The following PAG1 variants were observed in gnomAD, a reference collection of about 807,000 sequenced individuals.
PAG1 encodes phosphoprotein associated with glycosphingolipid-enriched microdomains 1.
A neutral mutation model predicts 31.7 loss-of-function variants in PAG1; 23 were observed. That is an observed-to-expected ratio of 0.73 (90% CI 0.52 to 1.03). The LOEUF (loss-of-function observed/expected upper bound fraction) is 1.03. Ranked by LOEUF, PAG1 falls within the 50% of genes least tolerant of loss-of-function variation. The pLI, the probability that PAG1 is intolerant of heterozygous loss-of-function variation, is 0.00. For missense variants in PAG1, 473 were observed against 540.7 expected (o/e 0.87, Z 1.24); for synonymous variants, 214 against 210.3 (o/e 1.02, Z -0.15).
intron 6 of PAG1, among the ~76,000 whole-genome samples, chr8:80,986,900 CCT>C (rs1807435988): frequency 6.6e-6 from 1 of 152,028 alleles, no homozygotes; most frequent in South Asian, 2.1e-4. Flanking sequence ...CTACGGATGC[CCT>C]GATTTTAGCC....
intron 1 of PAG1, among the ~76,000 whole-genome samples, chr8:81,101,195 C>T (rs1809605407): frequency 6.6e-6 from 1 of 152,192 alleles, no homozygotes; most frequent in Non-Finnish European, 1.5e-5. Flanking sequence ...AGCCCCAAGA[C>T]TAAAAAGCTG....
chr8:81,032,477 T>C (rs1441062355), intron 2 of PAG1, among the ~76,000 whole-genome samples: 1 of 152,144 alleles, frequency 6.6e-6, no homozygotes, highest in African/African-American at 2.4e-5. Context: ...ACAACATAAG[T>C]AGCCATCAAC....
At chr8:80,997,737 C>T (rs959794939) in intron 3 of PAG1, among the ~76,000 whole-genome samples, 1 of 151,654 alleles carries the variant, frequency 6.6e-6, no homozygotes, top group African/African-American at 2.4e-5. Context: ...AATGTGATCA[C>T]AGATTTAGAT....
chr8:81,086,667 T>C (rs979471901), intron 1 of PAG1, among the ~76,000 whole-genome samples: 2 of 152,100 alleles, frequency 1.3e-5, no homozygotes, highest in African/African-American at 2.4e-5. Context: ...AGGCAAAAGA[T>C]ACAAACAAAT....
At chr8:81,018,529 A>T (rs1202820165) in intron 3 of PAG1, among the ~76,000 whole-genome samples, 1 of 152,172 alleles carries the variant, frequency 6.6e-6, no homozygotes, top group African/African-American at 2.4e-5. Context: ...GAGGGACCCA[A>T]TGGGAGGTGA....
chr8:81,098,258 T>C (rs1809557639), intron 1 of PAG1, among the ~76,000 whole-genome samples: 2 of 152,308 alleles, frequency 1.3e-5, no homozygotes, highest in African/African-American at 4.8e-5. Flanking sequence ...TAAGGACCAT[T>C]AGGCAAATTA....
At chr8:81,087,734 G>A (rs905322468) in intron 1 of PAG1, among the ~76,000 whole-genome samples, 10 of 152,166 alleles carry the variant, frequency 6.6e-5, no homozygotes, top group African/African-American at 2.2e-4. Flanking sequence ...GGGGATAAGC[G>A]CATGCATGTG....
intron 2 of PAG1, among the ~76,000 whole-genome samples, chr8:81,031,625 A>T (rs1021076): frequency 0.65 from 99,354 of 151,972 alleles, 33,167 homozygotes; most frequent in Non-Finnish European, 0.72. Context: ...ACAATTTTTT[A>T]AAAAATGTCA....
chr8:81,068,252 T>C (rs1360294364), intron 2 of PAG1, among the ~76,000 whole-genome samples: 2 of 152,314 alleles, frequency 1.3e-5, no homozygotes, highest in Non-Finnish European at 1.5e-5. Context: ...TTGAAATACA[T>C]TTCCAAGGCA....
chr8:80,999,940 G>T (rs1807754542), intron 3 of PAG1, among the ~76,000 whole-genome samples: 3 of 152,036 alleles, frequency 2.0e-5, no homozygotes, highest in African/African-American at 7.2e-5. Context: ...AGAGTGCAAG[G>T]GCATGGTCTT....
intron 1 of PAG1, among the ~76,000 whole-genome samples, chr8:81,094,744 T>C (rs1809499391): frequency 6.6e-6 from 1 of 152,228 alleles, no homozygotes; most frequent in African/African-American, 2.4e-5. Flanking sequence ...ATGGGATATA[T>C]TGAGTCCTGT....
chr8:81,072,904 T>G (rs1809117678), intron 1 of PAG1, among the ~76,000 whole-genome samples: 2 of 152,188 alleles, frequency 1.3e-5, no homozygotes, highest in African/African-American at 4.8e-5. Context: ...TGCTTTTCCC[T>G]CTGCATCACA....
At chr8:81,055,400 AT>A (rs199849018) in intron 2 of PAG1, among the ~76,000 whole-genome samples, 9 of 150,944 alleles carry the variant, frequency 6.0e-5, no homozygotes, top group African/African-American at 1.9e-4. Flanking sequence ...CCTGGGGTTC[AT>A]TTTTTTTTGA....
intron 2 of PAG1, among the ~76,000 whole-genome samples, chr8:81,042,477 A>G (rs1808570766): frequency 6.6e-6 from 1 of 152,192 alleles, no homozygotes; most frequent in Non-Finnish European, 1.5e-5. Flanking sequence ...GTAGGCCATG[A>G]CAATTTTCAC....
At chr8:81,055,242 T>A (rs1808799753) in intron 2 of PAG1, among the ~76,000 whole-genome samples, 2 of 152,186 alleles carry the variant, frequency 1.3e-5, no homozygotes, top group South Asian at 4.1e-4. Flanking sequence ...TTTTAATTTT[T>A]TTTTACAGAG....
intron 3 of PAG1, among the ~76,000 whole-genome samples, chr8:80,994,720 T>C (rs917218605): frequency 2.6e-5 from 4 of 152,180 alleles, no homozygotes; most frequent in Non-Finnish European, 5.9e-5. Context: ...AGATTCCTTG[T>C]GTGAAATATT....
intron 3 of PAG1, among the ~76,000 whole-genome samples, chr8:81,000,427 T>C (rs1807763996): frequency 1.3e-5 from 2 of 152,134 alleles, no homozygotes; most frequent in Non-Finnish European, 2.9e-5. Context: ...CAAATCCTTT[T>C]TTTTTGAGAC....
intron 3 of PAG1, among the ~76,000 whole-genome samples, chr8:81,020,605 G>A (rs919324266): frequency 2.6e-5 from 4 of 152,110 alleles, no homozygotes; most frequent in African/African-American, 9.7e-5. Context: ...CCAGCCATGT[G>A]GAACTGTGAT....
Position 81,002,555 on chromosome 8 carries a change from T to C in PAG1, c.-80-9248A>G, listed in dbSNP as rs16908311. ...AGAGGAGTTTGTAACACCAGTTCACTGTGAGCTAGTGCCAAATTAGAGAAC... is the reference window on the plus strand; with the variant it reads ...AGAGGAGTTTGTAACACCAGTTCACCGTGAGCTAGTGCCAAATTAGAGAAC... On this transcript the variant is annotated intron_variant, in intron 3 of 8. Transcript: ENST00000220597. 8.4e-3 allele frequency among the ~76,000 whole-genome samples: 1,287 copies of C among 152,318 alleles called. 16 individuals carry two copies. Among genetic ancestry groups the C allele is most frequent in the African/African-American group, 0.029 (1,221 of 41,576 alleles).
Sources: gnomAD v4.1 joint callset for allele counts (sites outside exome capture counted in the v4.1 genomes callset) on GRCh38, gnomAD v4.1.1 for gene constraint, MANE v1.5 for transcripts, NCBI Gene and HGNC (gene_info 2026-07-23, HGNC 2026-07-21) for gene names.